The following SAMMSON variants were observed in gnomAD, a reference collection of about 807,000 sequenced individuals.
The protein encoded by SAMMSON is long intergenic non-protein coding RNA 1212.
Position 70,180,486 on chromosome 3 carries a change from G to C in SAMMSON, n.508-68621G>C, listed in dbSNP as rs141082906. Among the ~76,000 whole-genome samples the C allele has an allele frequency of 3.0e-3, 454 of 152,110 alleles. 2 individuals are homozygous for C. Among genetic ancestry groups the C allele is most frequent in the Non-Finnish European group, 3.9e-3 (265 of 68,028 alleles). On this transcript the variant is annotated intron_variant and non_coding_transcript_variant, in intron 4 of 9. Coordinates refer to ENST00000642114, the Ensembl canonical transcript of SAMMSON. Reference sequence around the variant, plus strand: ...TTTATATGGGTACAAACACACATATGTATGTATGCTTAATACTGAGGCCTT... The same window carrying C: ...TTTATATGGGTACAAACACACATATCTATGTATGCTTAATACTGAGGCCTT...
At chr3:70,043,136 G>A (rs1491686) in intron 3 of SAMMSON, among the ~76,000 whole-genome samples, 84,801 of 151,848 alleles carry the variant, frequency 0.56, 25,462 homozygotes, top group African/African-American at 0.77. Flanking sequence ...TCATATATGT[G>A]TTACAAGGGG....
In SAMMSON at chr3:70,081,395, G is replaced by A. The variant is rs185328191; in HGVS notation, n.507+9830G>A. On this transcript the variant is annotated intron_variant and non_coding_transcript_variant, in intron 4 of 9. Coordinates refer to ENST00000642114, the Ensembl canonical transcript of SAMMSON. ...CCCAAAGTGGAGGGATTACAGGCGT[G>A]AGCCACCGCGCCCGGCCTCTTCATA... 2.3e-3 allele frequency among the ~76,000 whole-genome samples: 355 copies of A among 152,310 alleles called. 1 individual carries two copies. Among genetic ancestry groups the A allele is most frequent in the African/African-American group, 8.3e-3 (344 of 41,568 alleles).
At chr3:70,318,196 A>G (rs560862332) in intron 7 of SAMMSON, among the ~76,000 whole-genome samples, 1 of 151,812 alleles carries the variant, frequency 6.6e-6, no homozygotes, top group African/African-American at 2.4e-5. Flanking sequence ...ATTTTTTCAG[A>G]TATTGTTTTT....
At chr3:70,215,486 C>G (rs765093871) in intron 4 of SAMMSON, among the ~76,000 whole-genome samples, 1 of 152,024 alleles carries the variant, frequency 6.6e-6, no homozygotes, top group Non-Finnish European at 1.5e-5. Flanking sequence ...ACCTAGAATT[C>G]CTATTTGATA....
In SAMMSON at chr3:70,301,377, A is replaced by G. The variant is rs533086627; in HGVS notation, n.739+10134A>G. ...CACCCACATTGTTTTTGCATGTTCT[A>G]TTATATTTCAAATACAGCTAAAGAG... On this transcript the variant is annotated intron_variant and non_coding_transcript_variant, in intron 7 of 9. Transcript: ENST00000642114. 3.9e-5 allele frequency among the ~76,000 whole-genome samples: 6 copies of G among 152,122 alleles called. 1 individual carries two copies. Among genetic ancestry groups the G allele is most frequent in the South Asian group, 2.1e-4 (1 of 4,820 alleles).
intron 3 of SAMMSON, among the ~76,000 whole-genome samples, chr3:70,035,383 G>A (rs1309905303): frequency 6.6e-6 from 1 of 152,116 alleles, no homozygotes; most frequent in East Asian, 1.9e-4. Context: ...TATATTAGGT[G>A]TACCCAGATA....
chr3:70,094,537 A>G (rs1175597894), intron 4 of SAMMSON: 1 of 152,176 alleles, frequency 6.6e-6, no homozygotes, highest in African/African-American at 2.4e-5. Context: ...TCCCACCCTG[A>G]ATGGCCTTTT....
At chr3:70,135,216 A>G (rs2067500873) in intron 4 of SAMMSON, among the ~76,000 whole-genome samples, 1 of 152,200 alleles carries the variant, frequency 6.6e-6, no homozygotes, top group African/African-American at 2.4e-5. Flanking sequence ...TCATAAGATT[A>G]TATGACTGAC....
chr3:70,022,109 A>T (rs1238031228), intron 3 of SAMMSON, among the ~76,000 whole-genome samples: 2 of 152,022 alleles, frequency 1.3e-5, no homozygotes, highest in Non-Finnish European at 2.9e-5. Context: ...ACCAATTTAA[A>T]GATTTTGTTC....
chr3:70,025,532 C>T (rs553810136), intron 3 of SAMMSON, among the ~76,000 whole-genome samples: 100 of 152,308 alleles, frequency 6.6e-4, no homozygotes, highest in East Asian at 1.4e-3. Flanking sequence ...CATGAGCCAC[C>T]GTGCCTAGCC....
intron 9 of SAMMSON, among the ~76,000 whole-genome samples, chr3:70,384,414 T>C (rs1703103547): frequency 6.6e-6 from 1 of 152,028 alleles, no homozygotes; most frequent in Non-Finnish European, 1.5e-5. Flanking sequence ...CTTACTTCCT[T>C]GGAATCAGAG....
chr3:70,255,313 TAGTC>T (rs1201476198), intron 6 of SAMMSON, among the ~76,000 whole-genome samples: 1 of 152,246 alleles, frequency 6.6e-6, no homozygotes, highest in Non-Finnish European at 1.5e-5. Flanking sequence ...TGTGATTTTA[TAGTC>T]AGTAAAAGTG....
chr3:70,069,779 A>T (rs2067223396), intron 3 of SAMMSON: 1 of 152,154 alleles, frequency 6.6e-6, no homozygotes, highest in Non-Finnish European at 1.5e-5. Context: ...GACCAAGGTC[A>T]TGTAGGTAAT....
chr3:70,114,652 G>A (rs1338070062), intron 4 of SAMMSON, among the ~76,000 whole-genome samples: 1 of 152,164 alleles, frequency 6.6e-6, no homozygotes, highest in African/African-American at 2.4e-5. Flanking sequence ...AAAATGAAAG[G>A]ATAGAAAAGT....
intron 4 of SAMMSON, among the ~76,000 whole-genome samples, chr3:70,190,740 T>G (rs1331931558): frequency 1.3e-5 from 2 of 152,090 alleles, no homozygotes; most frequent in Non-Finnish European, 2.9e-5. Context: ...AGTGAGCTAA[T>G]AAATCACTTC....
intron 3 of SAMMSON, among the ~76,000 whole-genome samples, chr3:70,067,963 T>C (rs949370621): frequency 3.9e-5 from 6 of 152,060 alleles, no homozygotes; most frequent in Non-Finnish European, 8.8e-5. Flanking sequence ...CAAAACAATT[T>C]GTAGTGGTGG....
chr3:70,193,580 A>G (rs1192703186), intron 4 of SAMMSON, among the ~76,000 whole-genome samples: 1 of 152,190 alleles, frequency 6.6e-6, no homozygotes, highest in African/African-American at 2.4e-5. Context: ...TTGCCTTTCT[A>G]CACAGCTCAC....
intron 7 of SAMMSON, among the ~76,000 whole-genome samples, chr3:70,347,517 T>C (rs1702760682): frequency 6.6e-6 from 1 of 152,200 alleles, no homozygotes; most frequent in South Asian, 2.1e-4. Flanking sequence ...TGCTTTATGC[T>C]TCTCTGTAGC....
intron 3 of SAMMSON, among the ~76,000 whole-genome samples, chr3:70,050,419 C>T (rs1017795809): frequency 3.3e-5 from 5 of 151,996 alleles, no homozygotes; most frequent in Admixed American, 6.6e-5. Flanking sequence ...AGAAGAAAAC[C>T]GAAGGCTATA....
Sources: gnomAD v4.1 joint callset for allele counts (sites outside exome capture counted in the v4.1 genomes callset) on GRCh38, gnomAD v4.1.1 for gene constraint, MANE v1.5 for transcripts, NCBI Gene and HGNC (gene_info 2026-07-23, HGNC 2026-07-21) for gene names.